ADAM29: variants seen among roughly 807,000 people sequenced by gnomAD.
ADAM29 encodes ADAM metallopeptidase domain 29.
For synonymous variants in ADAM29, 367 were observed against 342.3 expected, an observed-to-expected ratio of 1.07 and a Z score of -0.80; for missense variants, 969 against 1,001.8, an observed-to-expected ratio of 0.97 and a Z score of 0.44.
At chr4:174,932,270 AG>A (rs1743925686) in intron 3 of ADAM29, among the ~76,000 whole-genome samples, 1 of 151,866 alleles carries the variant, frequency 6.6e-6, no homozygotes, top group Non-Finnish European at 1.5e-5. Context: ...CTGGGTGACA[AG>A]AATGAAACTC....
chr4:174,962,286 C>G (rs555772190), intron 4 of ADAM29, among the ~76,000 whole-genome samples: 4 of 152,008 alleles, frequency 2.6e-5, no homozygotes, highest in African/African-American at 7.2e-5. Context: ...CCGGGGCGGG[C>G]AGATCATGAG....
chr4:174,966,430 T>C (rs1320328665), intron 4 of ADAM29, among the ~76,000 whole-genome samples: 2 of 152,172 alleles, frequency 1.3e-5, no homozygotes, highest in African/African-American at 2.4e-5. Flanking sequence ...TGAAACTAAA[T>C]ATCCCTCCAG....
intron 4 of ADAM29, among the ~76,000 whole-genome samples, chr4:174,957,080 A>G (rs1207124288): frequency 6.6e-6 from 1 of 151,948 alleles, no homozygotes; most frequent in African/African-American, 2.4e-5. Flanking sequence ...ACACACAGGC[A>G]ACAATTGCTT....
rs558476864 is a variant in ADAM29 at position 174,950,961 on chromosome 4, TGTAA to T, written c.-181+13955_-181+13958del. Among the ~76,000 whole-genome samples the T allele has an allele frequency of 4.5e-3, 692 of 152,250 alleles. 3 individuals are homozygous for T. Among genetic ancestry groups the T allele is most frequent in the Non-Finnish European group, 7.4e-3 (504 of 68,000 alleles). On this transcript the variant is annotated intron_variant, in intron 4 of 4. Coordinates refer to ENST00000359240, the MANE Select transcript of ADAM29 (RefSeq NM_014269.4). ...CTTCCCCTTTGCCTTCCACCATGAT[TGTAA>T]GTAAGTTTCCTGAGGCCTCCCAGCC...
chr4:174,974,116 G>T (rs1288780718), intron 4 of ADAM29, among the ~76,000 whole-genome samples: 1 of 152,122 alleles, frequency 6.6e-6, no homozygotes, highest in East Asian at 1.9e-4. Flanking sequence ...GTGTTTGGTG[G>T]GCCTGCCAAG....
intron 3 of ADAM29, among the ~76,000 whole-genome samples, chr4:174,933,805 T>A (rs1001528213): frequency 1.3e-5 from 2 of 152,188 alleles, no homozygotes; most frequent in African/African-American, 4.8e-5. Context: ...AAAGACATTA[T>A]CTCTTTCTTT....
intron 4 of ADAM29, among the ~76,000 whole-genome samples, chr4:174,939,181 ATCT>A (rs1243219187): frequency 1.3e-5 from 2 of 152,138 alleles, no homozygotes; most frequent in Non-Finnish European, 2.9e-5. Context: ...CATGGGACAT[ATCT>A]TTTTGGGAGC....
At chr4:174,966,705 T>C (rs1378345293) in intron 4 of ADAM29, among the ~76,000 whole-genome samples, 1 of 152,052 alleles carries the variant, frequency 6.6e-6, no homozygotes, top group African/African-American at 2.4e-5. Context: ...CCCCCAAGGA[T>C]TTGTGGGGCC....
intron 2 of ADAM29, among the ~76,000 whole-genome samples, chr4:174,930,258 C>G (rs1369032105): frequency 6.6e-6 from 1 of 152,164 alleles, no homozygotes; most frequent in East Asian, 1.9e-4. Flanking sequence ...ATATGAAACT[C>G]TATCCCCACT....
chr4:174,962,161 A>G (rs1745859033), intron 4 of ADAM29, among the ~76,000 whole-genome samples: 1 of 152,192 alleles, frequency 6.6e-6, no homozygotes, highest in African/African-American at 2.4e-5. Context: ...CTTCATATGT[A>G]AAGTTTGCAT....
intron 4 of ADAM29, among the ~76,000 whole-genome samples, chr4:174,951,724 T>C (rs1057075680): frequency 4.6e-5 from 7 of 152,176 alleles, no homozygotes; most frequent in African/African-American, 1.2e-4. Context: ...GACAGTATCA[T>C]ATTGTTGAGT....
intron 4 of ADAM29, among the ~76,000 whole-genome samples, chr4:174,953,346 C>T (rs932977644): frequency 6.6e-6 from 1 of 151,928 alleles, no homozygotes; most frequent in African/African-American, 2.4e-5. Flanking sequence ...GATGTTTACT[C>T]TTACTTATTT....
intron 4 of ADAM29, among the ~76,000 whole-genome samples, chr4:174,950,526 A>C (rs945597022): frequency 6.6e-6 from 1 of 152,154 alleles, no homozygotes; most frequent in African/African-American, 2.4e-5. Context: ...CATTCTCCTA[A>C]CTATTGCTAT....
At chr4:174,941,353 G>T (rs1744526704) in intron 4 of ADAM29, among the ~76,000 whole-genome samples, 2 of 152,124 alleles carry the variant, frequency 1.3e-5, no homozygotes, top group African/African-American at 4.8e-5. Context: ...CCATGGGTTG[G>T]TTCCCTATAT....
At chr4:174,947,396 TC>T (rs1007669740) in intron 4 of ADAM29, among the ~76,000 whole-genome samples, 8 of 152,168 alleles carry the variant, frequency 5.3e-5, no homozygotes, top group African/African-American at 1.9e-4. Context: ...TAAAAACTTT[TC>T]CCTTAACACT....
At chr4:174,970,355 A>AT (rs1199068649) in intron 4 of ADAM29, among the ~76,000 whole-genome samples, 1 of 152,126 alleles carries the variant, frequency 6.6e-6, no homozygotes, top group Non-Finnish European at 1.5e-5. Context: ...GTCCAATGCA[A>AT]TTCCAAAGGT....
chr4:174,930,592 G>A (rs968084560), intron 2 of ADAM29, among the ~76,000 whole-genome samples: 1 of 152,090 alleles, frequency 6.6e-6, no homozygotes, highest in Non-Finnish European at 1.5e-5. Flanking sequence ...AAAAGCCTCA[G>A]ATTTTATGTT....
intron 4 of ADAM29, among the ~76,000 whole-genome samples, chr4:174,957,877 G>C (rs1745593286): frequency 6.6e-6 from 1 of 151,760 alleles, no homozygotes; most frequent in Admixed American, 6.6e-5. Context: ...TTTTGAAAAG[G>C]CATTTGGTGA....
chr4:174,952,124 A>T (rs1191545723), intron 4 of ADAM29, among the ~76,000 whole-genome samples: 119 of 152,182 alleles, frequency 7.8e-4, no homozygotes, highest in Non-Finnish European at 2.9e-5. Flanking sequence ...ATATTGTATA[A>T]CAAAAATATA....
Sources: gnomAD v4.1 joint callset for allele counts (sites outside exome capture counted in the v4.1 genomes callset) on GRCh38, gnomAD v4.1.1 for gene constraint, MANE v1.5 for transcripts, NCBI Gene and HGNC (gene_info 2026-07-23, HGNC 2026-07-21) for gene names.